Variants in HHAT observed in about 807,000 individuals in gnomAD.
HHAT encodes hedgehog acyltransferase, also known as protein-cysteine N-palmitoyltransferase HHAT.
A neutral mutation model predicts 70.8 loss-of-function variants in HHAT; 47 were observed. The ratio of observed to expected loss-of-function variants is 0.66; its 90% CI spans 0.53 to 0.85. HHAT has a LOEUF of 0.85. Ranked by LOEUF, HHAT falls within the 40% of genes least tolerant of loss-of-function variation. The probability of loss-of-function intolerance (pLI) is 0.00; values close to 1 mark genes in which losing one functional copy is unlikely to be tolerated. For missense variants in HHAT, 609 were observed against 604.8 expected (o/e 1.01, Z -0.07); for synonymous variants, 228 against 247.6 (o/e 0.92, Z 0.74).
intron 9 of HHAT, among the ~76,000 whole-genome samples, chr1:210,532,373 A>G (rs1236575056): frequency 6.6e-6 from 1 of 152,174 alleles, no homozygotes; most frequent in African/African-American, 2.4e-5. Flanking sequence ...TCTGGACTCG[A>G]TAACATTTTT....
At chr1:210,357,590 G>C (rs887796449) in intron 2 of HHAT, among the ~76,000 whole-genome samples, 10 of 152,218 alleles carry the variant, frequency 6.6e-5, no homozygotes, top group Admixed American at 6.5e-5. Context: ...GGGAGGCCGA[G>C]GCGGGTGGAT....
chr1:210,487,884 G>C (rs144195584), intron 8 of HHAT, among the ~76,000 whole-genome samples: 1 of 152,068 alleles, frequency 6.6e-6, no homozygotes. Context: ...GCATACCAAG[G>C]CAACCTTTAT....
At chr1:210,536,029 C>T (rs142140563) in intron 9 of HHAT, among the ~76,000 whole-genome samples, 9 of 152,306 alleles carry the variant, frequency 5.9e-5, no homozygotes, top group South Asian at 4.1e-4. Flanking sequence ...AGTCCAGCTC[C>T]GAGCTGTCAC....
rs367975090 is a variant in HHAT at position 210,620,083 on chromosome 1, C to T, written c.1246-3443C>T. On this transcript the variant is annotated intron_variant, in intron 10 of 11. Transcript: ENST00000261458. ...CCTCCCACTCGTGAGGCTTGCATCC[C>T]GGTGATGAAGGACCACAGGGGTAAT... 6.6e-5 allele frequency among the ~76,000 whole-genome samples: 10 copies of T among 152,050 alleles called. No homozygotes were observed. The East Asian group carries it at 1.2e-3, about 18-fold the overall frequency.
intron 11 of HHAT, among the ~76,000 whole-genome samples, chr1:210,631,560 T>C (rs913963629): frequency 6.6e-6 from 1 of 152,256 alleles, no homozygotes; most frequent in Non-Finnish European, 1.5e-5. Context: ...CCAGTGTAAT[T>C]ACTCTTTTCC....
chr1:210,457,324 A>G (rs2093890048), intron 7 of HHAT, among the ~76,000 whole-genome samples: 1 of 152,186 alleles, frequency 6.6e-6, no homozygotes, highest in Middle Eastern at 3.2e-3. Context: ...ACCTCATATG[A>G]GAAAAAACTT....
chr1:210,637,663 C>A (rs796395596), intron 11 of HHAT, among the ~76,000 whole-genome samples: 17 of 152,158 alleles, frequency 1.1e-4, no homozygotes, highest in African/African-American at 4.1e-4. Context: ...AGATCGAGAC[C>A]ATCCTGGCCA....
intron 7 of HHAT, among the ~76,000 whole-genome samples, chr1:210,453,515 G>T (rs115206474): frequency 6.6e-6 from 1 of 151,892 alleles, no homozygotes; most frequent in Non-Finnish European, 1.5e-5. Context: ...CCCCTATTCC[G>T]TGCCTTCCCT....
At chr1:210,583,358 A>G (rs1430641068) in intron 9 of HHAT, among the ~76,000 whole-genome samples, 2 of 152,208 alleles carry the variant, frequency 1.3e-5, no homozygotes, top group African/African-American at 2.4e-5. Context: ...AACCTGACAT[A>G]GTCACTGACG....
At chr1:210,365,169 T>G (rs1309426490) in intron 3 of HHAT, among the ~76,000 whole-genome samples, 1 of 152,160 alleles carries the variant, frequency 6.6e-6, no homozygotes, top group Non-Finnish European at 1.5e-5. Flanking sequence ...CACATGCTAT[T>G]TTGGTCCAAA....
At chr1:210,343,432 C>A (rs660329) in intron 1 of HHAT, among the ~76,000 whole-genome samples, 4 of 152,156 alleles carry the variant, frequency 2.6e-5, no homozygotes, top group African/African-American at 9.7e-5. Flanking sequence ...TAGTGACTGT[C>A]GTAGTGACAG....
At chr1:210,348,736 C>CGTGT (rs71303046) in intron 1 of HHAT, among the ~76,000 whole-genome samples, 197 bp from the exon 2 acceptor site, 22,053 of 147,806 alleles carry the variant, frequency 0.15, 1,880 homozygotes, top group South Asian at 0.2. Context: ...TGTATGTGTG[C>CGTGT]GTGTGTGTGT....
At chr1:210,539,251 T>C (rs893042367) in intron 9 of HHAT, among the ~76,000 whole-genome samples, 3 of 152,156 alleles carry the variant, frequency 2.0e-5, no homozygotes, top group Admixed American at 2.0e-4. Context: ...AAAAAAACAG[T>C]GGAACAAGGC....
intron 2 of HHAT, 102 bp downstream of exon 2, chr1:210,349,168 G>A (rs2086792844): frequency 2.5e-6 from 3 of 1,217,030 alleles, no homozygotes; most frequent in Admixed American, 4.7e-5. Flanking sequence ...ATAGTGTCAA[G>A]ATGATGTGGG....
chr1:210,561,775 T>C (rs994112859), intron 9 of HHAT, among the ~76,000 whole-genome samples: 6 of 152,200 alleles, frequency 3.9e-5, no homozygotes, highest in African/African-American at 1.2e-4. Context: ...GTACTTATCA[T>C]TTTTTTGTGG....
intron 11 of HHAT, among the ~76,000 whole-genome samples, chr1:210,669,165 A>G (rs896979063): frequency 6.6e-6 from 1 of 152,120 alleles, no homozygotes; most frequent in Non-Finnish European, 1.5e-5. Flanking sequence ...TTGACTTCAC[A>G]TGGCCCTGTG....
intron 9 of HHAT, among the ~76,000 whole-genome samples, chr1:210,525,436 T>G (rs1465425531): frequency 6.6e-6 from 1 of 152,232 alleles, no homozygotes; most frequent in African/African-American, 2.4e-5. Context: ...CCTTTGCTTA[T>G]GTTCACAGAA....
At chr1:210,514,122 T>G (rs913684759) in intron 9 of HHAT, among the ~76,000 whole-genome samples, 6 of 152,210 alleles carry the variant, frequency 3.9e-5, no homozygotes, top group African/African-American at 1.2e-4. Flanking sequence ...ATAATTGACA[T>G]CACCTTTATC....
At chr1:210,536,499 T>C (rs2095373225) in intron 9 of HHAT, among the ~76,000 whole-genome samples, 1 of 152,232 alleles carries the variant, frequency 6.6e-6, no homozygotes, top group Non-Finnish European at 1.5e-5. Flanking sequence ...GACTGAAGAC[T>C]TTACAGCCTC....
Sources: gnomAD v4.1 joint callset for allele counts (sites outside exome capture counted in the v4.1 genomes callset) on GRCh38, gnomAD v4.1.1 for gene constraint, MANE v1.5 for transcripts, NCBI Gene and HGNC (gene_info 2026-07-23, HGNC 2026-07-21) for gene names.